Variants in SCN1A observed in about 807,000 individuals in gnomAD.
SCN1A encodes the protein sodium voltage-gated channel alpha subunit 1, also known as sodium channel protein type 1 subunit alpha.
Under a neutral mutation model 193.7 loss-of-function variants are expected in SCN1A, and 13 were observed. The ratio of observed to expected loss-of-function variants is 0.07; its 90% CI spans 0.04 to 0.11. The LOEUF is 0.11. SCN1A is among the 10% of genes least tolerant of loss of function. The pLI, the probability that SCN1A is intolerant of heterozygous loss-of-function variation, is 1.00. For synonymous variants in SCN1A, 781 were observed against 843.6 expected (o/e 0.93, Z 1.29); for missense variants, 1,432 against 2,451.1 (o/e 0.58, Z 8.78).
At chr2:166,091,900 G>T (rs1686847781) in intron 2 of SCN1A, among the ~76,000 whole-genome samples, 3 of 152,084 alleles carry the variant, frequency 2.0e-5, no homozygotes. Context: ...CATGATCAAT[G>T]CCTTATCCTA....
chr2:166,145,011 A>G (rs1249455090), intron 1 of SCN1A, among the ~76,000 whole-genome samples: 6 of 151,456 alleles, frequency 4.0e-5, no homozygotes, highest in African/African-American at 9.7e-5. Context: ...TAATTTTTGT[A>G]TTTTTTAGTA....
In SCN1A at chr2:166,015,646, G is replaced by C; in HGVS notation, c.3511C>G (p.Pro1171Ala). ...APVEEQPVVE[P>A]EETLEPEACF... ...GCTTCTGGTTCAAGAGTTTCTTCAG[G>C]TTCCACTACGGGCTGTTCTTCTACA... Residue 1171 changes from proline (P) to alanine (A), a missense_variant, in exon 20 of 29, where the codon CCT (proline) becomes GCT (alanine). By Grantham distance (27) the Pro-to-Ala change is conservative. Transcript: ENST00000674923. The C allele has an allele frequency of 6.2e-7, 1 of 1,612,708 alleles. No homozygotes were observed. The highest frequency in any genetic ancestry group is 1.7e-4 in the Middle Eastern group (1 of 6,052).
intron 2 of SCN1A, among the ~76,000 whole-genome samples, chr2:166,123,971 C>T (rs1473616283): frequency 6.6e-6 from 1 of 152,146 alleles, no homozygotes; most frequent in East Asian, 1.9e-4. Flanking sequence ...CCATCATTGG[C>T]CTCATTAGAT....
At chr2:166,068,442 G>A (rs987851782) in intron 4 of SCN1A, among the ~76,000 whole-genome samples, 2 of 152,210 alleles carry the variant, frequency 1.3e-5, no homozygotes, top group African/African-American at 4.8e-5. Flanking sequence ...CTGGATGTAA[G>A]GGAGAGTCTG....
At chr2:166,058,757 G>A (rs1699377972) in intron 4 of SCN1A, 69 bp from the exon 5 acceptor site, 1 of 865,038 alleles carries the variant, frequency 1.2e-6, no homozygotes, top group Non-Finnish European at 2.0e-6. Context: ...TCTACTTTCT[G>A]TTACTTGTCA....
At position 166,051,736 on chromosome 2, in the gene SCN1A, G is replaced by T; in HGVS notation, c.947C>A (p.Ser316Ter). 1 of 1,602,262 alleles carries T rather than the reference G, an allele frequency of 6.2e-7. No individual in the cohort carries two copies. The highest frequency in any genetic ancestry group is 1.1e-5 in the South Asian group (1 of 90,530). ...ATTCTTACTTGAATCTTGAATATAT[G>T]ACTTCCAGTCAAACTCAAAGACAGT... ...NETVFEFDWK[S>*]YIQDSRYHYF... is the part of the protein sequence containing the mutation. Residue 316 changes from serine (S) to a stop codon, truncating the protein, a stop_gained, in exon 9 of 29, where the codon TCA becomes TAA. Transcript: ENST00000674923. LOFTEE classifies it high-confidence loss of function.
intron 4 of SCN1A, among the ~76,000 whole-genome samples, chr2:166,070,202 A>G (rs1002341383): frequency 2.6e-5 from 4 of 152,074 alleles, no homozygotes; most frequent in Non-Finnish European, 4.4e-5. Flanking sequence ...GAAGAAGGAA[A>G]TTTCAAACAC....
At chr2:166,122,610 A>G (rs775765519) in intron 2 of SCN1A, among the ~76,000 whole-genome samples, 1 of 152,206 alleles carries the variant, frequency 6.6e-6, no homozygotes, top group South Asian at 2.1e-4. Context: ...AATGTTAATA[A>G]GACAATTCAC....
intron 13 of SCN1A, among the ~76,000 whole-genome samples, chr2:166,044,635 T>C (rs1697573436): frequency 6.6e-6 from 1 of 152,130 alleles, no homozygotes; most frequent in Non-Finnish European, 1.5e-5. Flanking sequence ...GCATGCATGG[T>C]GACTTATAAA....
At chr2:166,113,027 T>G (rs1369000728) in intron 2 of SCN1A, among the ~76,000 whole-genome samples, 2 of 152,136 alleles carry the variant, frequency 1.3e-5, no homozygotes, top group African/African-American at 4.8e-5. Context: ...ATTATTGAAC[T>G]GGAGGATTTA....
intron 19 of SCN1A, among the ~76,000 whole-genome samples, chr2:166,025,851 T>G (rs1332854461): frequency 1.3e-5 from 2 of 152,206 alleles, no homozygotes; most frequent in African/African-American, 4.8e-5. Context: ...TAATATTAAG[T>G]CATATTAATG....
chr2:166,014,762 G>A (rs1693049403), intron 20 of SCN1A, among the ~76,000 whole-genome samples: 1 of 151,254 alleles, frequency 6.6e-6, no homozygotes, highest in Non-Finnish European at 1.5e-5. Context: ...TGAAGGAATG[G>A]AGGAAAAGAA....
chr2:166,121,407 A>T (rs1690583349), intron 2 of SCN1A, among the ~76,000 whole-genome samples: 1 of 152,172 alleles, frequency 6.6e-6, no homozygotes, highest in South Asian at 2.1e-4. Flanking sequence ...TTCCCCATGA[A>T]TTCCTAATTT....
intron 1 of SCN1A, among the ~76,000 whole-genome samples, chr2:166,139,744 A>G (rs1246774729): frequency 6.6e-6 from 1 of 152,106 alleles, no homozygotes; most frequent in Non-Finnish European, 1.5e-5. Context: ...TTATAAAACC[A>G]TCTCGTGAGA....
intron 2 of SCN1A, among the ~76,000 whole-genome samples, chr2:166,122,503 A>G (rs1418269792): frequency 6.6e-6 from 1 of 152,202 alleles, no homozygotes; most frequent in Non-Finnish European, 1.5e-5. Context: ...GTGGATTCTC[A>G]AGAACAAAGA....
intron 5 of SCN1A, among the ~76,000 whole-genome samples, chr2:166,057,400 A>C (rs2195143): frequency 0.48 from 73,090 of 151,700 alleles, 18,293 homozygotes; most frequent in East Asian, 0.56. Flanking sequence ...TATTTTAAAA[A>C]TCAGGGAAAT....
intron 2 of SCN1A, among the ~76,000 whole-genome samples, chr2:166,099,674 C>T (rs1308106866): frequency 2.9e-5 from 1 of 35,074 alleles, no homozygotes; most frequent in Admixed American, 3.8e-4. Flanking sequence ...TCTCAGGATA[C>T]AAAATCAATG....
At chr2:166,057,230 T>G (rs1457420745) in intron 5 of SCN1A, among the ~76,000 whole-genome samples, 1 of 152,064 alleles carries the variant, frequency 6.6e-6, no homozygotes, top group Non-Finnish European at 1.5e-5. Context: ...TTTTGTAATG[T>G]AACCATTTCT....
At chr2:166,141,884 G>T (rs1692103219) in intron 1 of SCN1A, among the ~76,000 whole-genome samples, 1 of 152,104 alleles carries the variant, frequency 6.6e-6, no homozygotes, top group Admixed American at 6.5e-5. Context: ...GGTATCAATA[G>T]ATTTCCCTCC....
Sources: allele counts gnomAD v4.1 joint callset (sites outside exome capture counted in the v4.1 genomes callset), GRCh38; gene constraint gnomAD v4.1.1; transcripts MANE v1.5; gene names NCBI Gene and HGNC (gene_info 2026-07-23, HGNC 2026-07-21).